Variants in SCN10A observed in about 807,000 individuals in gnomAD.
SCN10A encodes the protein sodium voltage-gated channel alpha subunit 10, also known as sodium channel protein type 10 subunit alpha.
In SCN10A, 162 loss-of-function variants were observed where a neutral mutation model predicts 170.7. The observed-to-expected ratio is 0.95, with a 90% CI of 0.84 to 1.08. SCN10A has a LOEUF of 1.08. SCN10A is among the 50% of genes least tolerant of loss of function. SCN10A has a pLI of 0.00. For synonymous variants in SCN10A, 985 were observed against 904.6 expected, an observed-to-expected ratio of 1.09 and a Z score of -1.59; for missense variants, 2,527 against 2,436.9, an observed-to-expected ratio of 1.04 and a Z score of -0.78.
intron 4 of SCN10A, among the ~76,000 whole-genome samples, chr3:38,788,691 A>T (rs145498582): frequency 6.6e-6 from 1 of 152,266 alleles, no homozygotes; most frequent in African/African-American, 2.4e-5. Flanking sequence ...GGACTCAGGC[A>T]TTTAAAAAAT....
rs771771881 is a variant in SCN10A, at chr3:38,752,512, A to G, written c.1462T>C (p.Ser488Pro). 2.6e-6 allele frequency: 4 copies of G among 1,567,114 alleles called. No individual in the cohort carries two copies. The highest frequency in any genetic ancestry group is 1.7e-4 in the Middle Eastern group (1 of 5,828). Residue 488 changes from serine to proline, a missense_variant and splice_region_variant, in exon 12 of 28, where the codon TCT becomes CCT. Ser to Pro is a moderately conservative substitution (Grantham distance 74). Transcript: ENST00000449082. ...TTTCCAGAGGCGAGGCCTAGAAAAG[A>G]CTGGGCATTGCCCCAAAGGAGCAAG... ...RSDPYNQRRMSFLGLASGKRR... is the reference protein window; with the variant it reads ...RSDPYNQRRMPFLGLASGKRR...
intron 19 of SCN10A, 69 bp from the exon 20 acceptor site, chr3:38,722,481 C>A: frequency 6.5e-7 from 1 of 1,533,436 alleles, no homozygotes; most frequent in Non-Finnish European, 8.8e-7. Context: ...GCTCCTGCTG[C>A]AGAGAAACCA....
intron 25 of SCN10A, among the ~76,000 whole-genome samples, chr3:38,708,178 A>G (rs960543865): frequency 9.9e-5 from 15 of 152,156 alleles, no homozygotes; most frequent in Non-Finnish European, 1.8e-4. Flanking sequence ...TGTGGACACA[A>G]AGGGCTTCCT....
Position 38,794,654 on chromosome 3 carries a change from C to G in SCN10A, c.-32-612G>C, listed in dbSNP as rs560626809. On this transcript the variant is annotated intron_variant, in intron 1 of 27. Coordinates refer to ENST00000449082, the MANE Select transcript of SCN10A (RefSeq NM_006514.4). ...CCTGTGGTCCACAATTTTGCCACTC[C>G]CTCACCCTTATCCTAAATCCCAAGG... 2.1e-4 allele frequency among the ~76,000 whole-genome samples: 32 copies of G among 152,252 alleles called. No individual in the cohort carries two copies. The South Asian group carries it at 5.2e-3, about 25-fold the overall frequency.
chr3:38,718,605 T>A, intron 21 of SCN10A, 48 bp downstream of exon 21: 1 of 1,596,354 alleles, frequency 6.3e-7, no homozygotes, highest in Non-Finnish European at 8.6e-7. Flanking sequence ...TAGCCAGGAG[T>A]CAGAGGGGAG....
At position 38,725,262 on chromosome 3, in the gene SCN10A, C is replaced by T. The variant is rs771555935; in HGVS notation, c.3140G>A (p.Ser1047Asn). The change falls in exon 18 of 28, where the codon AGC (serine) becomes AAC (asparagine). Residue 1047 changes from serine (S) to asparagine (N), a missense_variant. Coordinates refer to ENST00000449082, the MANE Select transcript of SCN10A (RefSeq NM_006514.4). ...CTCAGAAGATGTTCCAGTGCCTGGG[C>T]TCCTGGGTGTCAGGTGGTCCCCACA... ...ERCGDHLTPR[S>N]PGTGTSSEDL... 2 of 1,603,336 alleles carry T rather than the reference C, an allele frequency of 1.2e-6. No individual in the cohort carries two copies. The highest frequency in any genetic ancestry group is 1.7e-6 in the Non-Finnish European group (2 of 1,172,162).
chr3:38,768,059 C>T (rs975899904), intron 5 of SCN10A, among the ~76,000 whole-genome samples: 3 of 151,966 alleles, frequency 2.0e-5, no homozygotes, highest in African/African-American at 7.2e-5. Flanking sequence ...AATAGCTACT[C>T]CTGCTTGCTT....
chr3:38,733,402 A>G (rs538998631), intron 15 of SCN10A, among the ~76,000 whole-genome samples: 21 of 152,330 alleles, frequency 1.4e-4, no homozygotes, highest in African/African-American at 4.6e-4. Flanking sequence ...TCTGTATAAT[A>G]GGTAGCTTTA....
At chr3:38,794,356 C>T (rs2064324032) in intron 1 of SCN10A, among the ~76,000 whole-genome samples, 1 of 152,208 alleles carries the variant, frequency 6.6e-6, no homozygotes, top group Non-Finnish European at 1.5e-5. Flanking sequence ...CCTCTCTCCT[C>T]ATTTCCAGGA....
chr3:38,766,240 T>C (rs1410619735), intron 5 of SCN10A, among the ~76,000 whole-genome samples: 2 of 152,176 alleles, frequency 1.3e-5, no homozygotes, highest in Non-Finnish European at 2.9e-5. Context: ...TTCTCTTGTC[T>C]GATTGCTCTG....
rs749655279 is a variant in SCN10A at position 38,761,231 on chromosome 3, C to T, written c.844G>A (p.Ala282Thr). 6.2e-7 allele frequency: 1 copy of T among 1,613,726 alleles called. No individual in the cohort carries two copies. ...GAGTAGTTGGTTGTCTCATTGACAG[C>T]CATGTCATTCTTGACACATTTATTT... ...LKNKCVKNDMAVNETTNYSSH... is the reference protein window; with the variant it reads ...LKNKCVKNDMTVNETTNYSSH... The change falls in exon 7 of 28, where the codon GCT becomes ACT. Residue 282 changes from alanine (A) to threonine (T), a missense_variant. Ala to Thr is a moderately conservative substitution (Grantham distance 58). Coordinates refer to ENST00000449082, the MANE Select transcript of SCN10A (RefSeq NM_006514.4).
At position 38,697,068 on chromosome 3, in the gene SCN10A, A is replaced by C; in HGVS notation, c.*281T>G. 2.2e-6 allele frequency: 1 copy of C among 447,572 alleles called. No individual in the cohort carries two copies. The highest frequency in any genetic ancestry group is 4.0e-6 in the Non-Finnish European group (1 of 248,816). 27.7% of individuals were successfully genotyped at this position (447,572 alleles called of 1,614,324 possible). A position where few individuals can be genotyped will look rare whatever the true frequency, so the allele number is the denominator to read the frequency against. On this transcript the variant is annotated 3_prime_UTR_variant, in exon 28 of 28. Transcript: ENST00000449082. The stretch of plus-strand genomic sequence containing the variant: ...TATAATCTGATTACAACAAAAATAA[A>C]AGGACAAGGGATATTTTCTGGAGAG...
chr3:38,728,566 C>T lies in SCN10A; in HGVS notation c.2616G>A (p.Thr872=), dbSNP rs754088416. Residue 872 remains threonine, a synonymous_variant, in exon 16 of 28, where the codon ACG becomes ACA. Transcript: ENST00000449082. ...CCACCAGGTTCCCTAGCACCATCAC[C>T]GTCAAGAAAAGGATGAGGCATATGG... is the stretch of plus-strand genomic sequence containing the variant. ...QKSICLILFL[T]VMVLGNLVVL... 1.9e-5 allele frequency: 30 copies of T among 1,596,006 alleles called. No homozygotes were observed. The highest frequency in any genetic ancestry group is 2.2e-5 in the East Asian group (1 of 44,640).
At chr3:38,786,998 C>T (rs890286062) in intron 4 of SCN10A, among the ~76,000 whole-genome samples, 1 of 152,118 alleles carries the variant, frequency 6.6e-6, no homozygotes, top group Non-Finnish European at 1.5e-5. Flanking sequence ...CTATAATTTG[C>T]TCTTTAAAAT....
chr3:38,702,074 G>T lies in SCN10A; in HGVS notation c.4422C>A (p.Thr1474=), dbSNP rs759735617. ...KFQGFVFDIV[T]RQAFDITIMV... ...TGATGGTGATGTCAAAAGCTTGTCT[G>T]GTCACGATGTCAAAGACAAAACCCT... is the stretch of plus-strand genomic sequence containing the variant. Residue 1474 remains threonine, a synonymous_variant, in exon 27 of 28, where the codon ACC becomes ACA. Transcript: ENST00000449082. 5.1e-6 allele frequency: 8 copies of T among 1,576,988 alleles called. No homozygotes were observed. The highest frequency in any genetic ancestry group is 6.9e-6 in the Non-Finnish European group (8 of 1,162,310).
chr3:38,704,542 C>T (rs73060441), intron 26 of SCN10A, among the ~76,000 whole-genome samples: 13,667 of 152,088 alleles, frequency 0.09, 803 homozygotes, highest in Admixed American at 0.12. Flanking sequence ...CTCTCAGAGA[C>T]GATGAAGTGG....
chr3:38,805,415 T>C (rs936290197), intron 1 of SCN10A, among the ~76,000 whole-genome samples: 1 of 152,266 alleles, frequency 6.6e-6, no homozygotes, highest in African/African-American at 2.4e-5. Flanking sequence ...GGGCTCTCCA[T>C]GGCAACGTGA....
intron 12 of SCN10A, among the ~76,000 whole-genome samples, chr3:38,751,828 C>T (rs2063750166): frequency 6.6e-6 from 1 of 152,114 alleles, no homozygotes. Context: ...GCCATTTGCC[C>T]AGCCTAGAAG....
At chr3:38,707,949 A>G (rs992026742) in intron 25 of SCN10A, among the ~76,000 whole-genome samples, 1 of 152,190 alleles carries the variant, frequency 6.6e-6, no homozygotes, top group Non-Finnish European at 1.5e-5. Context: ...TTACAGTGCC[A>G]GAAACTGCAC....
Sources: allele counts gnomAD v4.1 joint callset (sites outside exome capture counted in the v4.1 genomes callset), GRCh38; gene constraint gnomAD v4.1.1; transcripts MANE v1.5; gene names NCBI Gene and HGNC (gene_info 2026-07-23, HGNC 2026-07-21).